ELFN1: variants seen among roughly 807,000 people sequenced by gnomAD.
ELFN1 encodes extracellular leucine rich repeat and fibronectin type III domain containing 1.
ELFN1 carries 6 observed loss-of-function variants against 7.6 expected under a neutral mutation model. The ratio of observed to expected loss-of-function variants is 0.79; its 90% CI spans 0.43 to 1.56. The LOEUF (loss-of-function observed/expected upper bound fraction) is 1.56, where lower values mean the gene tolerates loss of function less well. ELFN1 is among the 40% of genes most tolerant of loss of function. The pLI is 0.01. For missense variants in ELFN1, 1,169 were observed against 1,232.2 expected (o/e 0.95, Z 0.77); for synonymous variants, 657 against 588.1 (o/e 1.12, Z -1.70).
Position 1,745,723 on chromosome 7 carries a change from A to G in ELFN1, c.1127A>G (p.Asn376Ser). 1 of 1,551,248 alleles carries G rather than the reference A, an allele frequency of 6.4e-7. No individual in the cohort carries two copies. Among genetic ancestry groups the G allele is most frequent in the Non-Finnish European group, 8.7e-7 (1 of 1,146,998 alleles). ...IRLTNLFTLTNYTYCVVSTSA... is the reference protein window; with the variant it reads ...IRLTNLFTLTSYTYCVVSTSA... Reference sequence around the variant, plus strand: ...CTGACCAACCTGTTCACGCTCACCAACTACACCTACTGCGTGGTGTCCACC... The same window carrying G: ...CTGACCAACCTGTTCACGCTCACCAGCTACACCTACTGCGTGGTGTCCACC... Residue 376 changes from asparagine (N) to serine (S), a missense_variant, in exon 4 of 4, where the codon AAC becomes AGC. By Grantham distance (46) the Asn-to-Ser change is conservative. Around this residue, in one of 2 missense-constraint regions of ELFN1, gnomAD observed 914 missense variants for 872.6 expected, o/e 1.05. Transcript: ENST00000424383.
At chr7:1,677,276 G>T (rs993333406) in intron 1 of ELFN1, among the ~76,000 whole-genome samples, 1 of 152,174 alleles carries the variant, frequency 6.6e-6, no homozygotes, top group African/African-American at 2.4e-5. Context: ...GAATGGATTG[G>T]TATGAAACAG....
chr7:1,734,012 T>C (rs56379184), intron 3 of ELFN1, among the ~76,000 whole-genome samples: 115 of 152,316 alleles, frequency 7.6e-4, no homozygotes, highest in African/African-American at 2.6e-3. Context: ...CAGGGGCTCC[T>C]GGAGGTCAGG....
intron 3 of ELFN1, among the ~76,000 whole-genome samples, chr7:1,711,281 G>T (rs1280990565): frequency 6.6e-6 from 1 of 152,186 alleles, no homozygotes; most frequent in Non-Finnish European, 1.5e-5. Context: ...GGGTCTGTCG[G>T]TTGGCCTAGA....
At chr7:1,737,484 C>T (rs1014297730) in intron 3 of ELFN1, among the ~76,000 whole-genome samples, 52 of 152,280 alleles carry the variant, frequency 3.4e-4, no homozygotes, top group African/African-American at 1.2e-3. Context: ...GCGGGTGGGT[C>T]CCACTCTCAG....
chr7:1,733,127 C>T (rs1780358858), intron 3 of ELFN1, among the ~76,000 whole-genome samples: 1 of 152,192 alleles, frequency 6.6e-6, no homozygotes, highest in African/African-American at 2.4e-5. Flanking sequence ...TCTAGAATTC[C>T]TGGCCACAAG....
chr7:1,711,587 AG>A (rs1485582391), intron 3 of ELFN1, among the ~76,000 whole-genome samples: 2 of 132,814 alleles, frequency 1.5e-5, no homozygotes, highest in African/African-American at 6.2e-5. Context: ...AGAGAGAGAG[AG>A]AGAGAGAGAG....
At position 1,702,766 on chromosome 7, in the gene ELFN1, C is replaced by T. The variant is rs1385650768; in HGVS notation, c.-455-6325C>T. 2.0e-5 allele frequency among the ~76,000 whole-genome samples: 3 copies of T among 151,256 alleles called. 1 individual carries two copies. The highest frequency in any genetic ancestry group is 6.6e-5 in the Admixed American group (1 of 15,240). ...ACATAATCACATTGTCTGTGAATAG[C>T]GAGAGCTTCGTTTCTTTCTTTCTGA... On this transcript the variant is annotated intron_variant, in intron 2 of 3. Coordinates refer to ENST00000424383, the MANE Select transcript of ELFN1 (RefSeq NM_001128636.4).
Position 1,740,266 on chromosome 7 carries a change from G to A in ELFN1, c.-293-4038G>A, listed in dbSNP as rs1780570657. ...GGCAGTGGGGAGCCGCCCTCCTGAG[G>A]GATGCCTATTGCCCTCCCTGGGGCC... On this transcript the variant is annotated intron_variant, in intron 3 of 3. Coordinates refer to ENST00000424383, the MANE Select transcript of ELFN1 (RefSeq NM_001128636.4). This position sits in a 1 kb window ranked among gnomAD's most constrained non-coding sequence, Gnocchi z 5.0. Among the ~76,000 whole-genome samples, 2 of 152,158 alleles carry A rather than the reference G, an allele frequency of 1.3e-5. No homozygotes were observed. Among genetic ancestry groups the A allele is most frequent in the Admixed American group, 1.3e-4 (2 of 15,284 alleles).
intron 3 of ELFN1, among the ~76,000 whole-genome samples, chr7:1,743,190 C>G (rs556686091): frequency 6.6e-6 from 1 of 152,318 alleles, no homozygotes; most frequent in East Asian, 1.9e-4. Flanking sequence ...GCTTCCCCGC[C>G]TACAGCTCGG....
intron 3 of ELFN1, among the ~76,000 whole-genome samples, chr7:1,714,542 C>T (rs538777016): frequency 5.9e-5 from 9 of 152,294 alleles, no homozygotes; most frequent in African/African-American, 2.2e-4. Context: ...AATTCATAAT[C>T]ATAAAAATAA....
Position 1,746,748 on chromosome 7 carries a change from C to T in ELFN1, c.2152C>T (p.Pro718Ser), listed in dbSNP as rs1278284913. Residue 718 changes from proline (P) to serine (S), a missense_variant, in exon 4 of 4, where the codon CCC becomes TCC. Transcript: ENST00000424383. ...CTCCCACCCGGCCGAGCCACCTGCG[C>T]CCCCCGGGCCACCGCCGCCGCCTCC... is the stretch of plus-strand genomic sequence containing the variant. ...PGSHPAEPPA[P>S]PGPPPPPPHE... is the part of the protein sequence containing the mutation. 3 of 1,493,924 alleles carry T rather than the reference C, an allele frequency of 2.0e-6. No individual in the cohort carries two copies. The highest frequency in any genetic ancestry group is 5.5e-5 in the East Asian group (2 of 36,620). 92.5% of individuals were successfully genotyped at this position (1,493,924 alleles called of 1,614,324 possible).
chr7:1,713,756 G>A (rs917956582), intron 3 of ELFN1, among the ~76,000 whole-genome samples: 1 of 152,180 alleles, frequency 6.6e-6, no homozygotes, highest in Non-Finnish European at 1.5e-5. Context: ...TGGGGAGGGG[G>A]GGGCGATGTC....
intron 2 of ELFN1, among the ~76,000 whole-genome samples, chr7:1,706,796 G>C (rs1030925379): frequency 6.6e-6 from 1 of 152,228 alleles, no homozygotes; most frequent in Non-Finnish European, 1.5e-5. Context: ...ACCCCACCTT[G>C]TGTCCAGCCC....
At chr7:1,694,277 C>G in intron 2 of ELFN1, 1 of 167,572 alleles carries the variant, frequency 6.0e-6, no homozygotes, top group Admixed American at 5.5e-5. Context: ...CCACACTGGC[C>G]TCCCTGCGGG....
At chr7:1,681,623 CAA>C (rs1319640781) in intron 1 of ELFN1, among the ~76,000 whole-genome samples, 1 of 152,220 alleles carries the variant, frequency 6.6e-6, no homozygotes, top group Non-Finnish European at 1.5e-5. Context: ...CTCGGCCTCC[CAA>C]AGTGTGTGCC....
At chr7:1,744,119 A>G (rs913045920) in intron 3 of ELFN1, among the ~76,000 whole-genome samples, 185 bp from the exon 4 acceptor site, 1 of 150,724 alleles carries the variant, frequency 6.6e-6, no homozygotes, top group African/African-American at 2.5e-5. Flanking sequence ...CTGTCTCAGG[A>G]CCCCCCAGGG....
At position 1,745,345 on chromosome 7, in the gene ELFN1, G is replaced by A; in HGVS notation, c.749G>A (p.Cys250Tyr). ...RSILSKLQSV[C>Y]TEDSYAAEVV... is the part of the protein sequence containing the mutation. ...ATCCTCAGCAAACTGCAGTCAGTCT[G>A]CACCGAGGACTCGTACGCGGCTGAG... Residue 250 changes from cysteine to tyrosine, a missense_variant, in exon 4 of 4, where the codon TGC becomes TAC. Transcript: ENST00000424383. The A allele has an allele frequency of 6.5e-7, 1 of 1,539,910 alleles. No individual in the cohort carries two copies. The highest frequency in any genetic ancestry group is 8.7e-7 in the Non-Finnish European group (1 of 1,146,586).
rs1780804939 is a variant in ELFN1 at position 1,746,624 on chromosome 7, G to A, written c.2028G>A (p.Ala676=). 7 of 1,350,270 alleles carry A rather than the reference G, an allele frequency of 5.2e-6. No individual in the cohort carries two copies. The highest frequency in any genetic ancestry group is 3.3e-5 in the East Asian group (1 of 30,520). 83.6% of individuals were successfully genotyped at this position (1,350,270 alleles called of 1,614,324 possible). Reference sequence around the variant, plus strand: ...AGTACATCGAGAAGGGCTCCCCCGCGGCCGACGCCATCCTCACTGTGACAC... The same window carrying A: ...AGTACATCGAGAAGGGCTCCCCCGCAGCCGACGCCATCCTCACTGTGACAC... ...EAKYIEKGSP[A]ADAILTVTPA... Residue 676 remains alanine (A), a synonymous_variant, in exon 4 of 4, where the codon GCG becomes GCA. Transcript: ENST00000424383.
intron 3 of ELFN1, among the ~76,000 whole-genome samples, chr7:1,724,544 T>G (rs1780126636): frequency 6.6e-6 from 1 of 152,076 alleles, no homozygotes; most frequent in South Asian, 2.1e-4. Flanking sequence ...TCCTGCAAAC[T>G]CTCAAATTTC....
Sources: allele counts gnomAD v4.1 joint callset (sites outside exome capture counted in the v4.1 genomes callset), GRCh38; gene constraint gnomAD v4.1.1; regional missense constraint gnomAD v4.1.1; non-coding constraint Gnocchi (gnomAD v3.1); transcripts MANE v1.5; gene names NCBI Gene and HGNC (gene_info 2026-07-23, HGNC 2026-07-21).